SLC39A11: variants seen among roughly 807,000 people sequenced by gnomAD.
The protein encoded by SLC39A11 is solute carrier family 39 member 11.
In SLC39A11, 33 loss-of-function variants were observed where a neutral mutation model predicts 36.1. The observed-to-expected ratio is 0.91, with a 90% CI of 0.69 to 1.22. SLC39A11 has a LOEUF of 1.22. Among genes scored for constraint, SLC39A11 ranks in the 50% most tolerant of loss-of-function variants. The pLI is 0.00. For missense variants in SLC39A11, 432 were observed against 430.3 expected (o/e 1.00, Z -0.03); for synonymous variants, 166 against 170.3 (o/e 0.97, Z 0.20).
chr17:72,647,360 A>C lies in SLC39A11; in HGVS notation c.*224T>G. ...AGTCCATTCAGTGGCCAAAACAAAG[A>C]ATCTGTATTTCCATGACACCTTAAA... is the stretch of plus-strand genomic sequence containing the variant. On this transcript the variant is annotated 3_prime_UTR_variant, in exon 10 of 10. Transcript: ENST00000255559. 1 of 390,022 alleles carries C rather than the reference A, an allele frequency of 2.6e-6. No individual in the cohort carries two copies. Among genetic ancestry groups the C allele is most frequent in the Non-Finnish European group, 4.6e-6 (1 of 216,198 alleles). 24.2% of individuals were successfully genotyped at this position (390,022 alleles called of 1,614,324 possible).
intron 4 of SLC39A11, among the ~76,000 whole-genome samples, chr17:73,004,998 G>T (rs1280094818): frequency 6.6e-6 from 1 of 152,100 alleles, no homozygotes; most frequent in Non-Finnish European, 1.5e-5. Context: ...TTGTTTGTTT[G>T]TTTGTTTGTT....
rs1262505203 is a variant in SLC39A11, at chr17:72,900,144, G to GAA, written c.430+47606_430+47607dup. 7.4e-3 allele frequency among the ~76,000 whole-genome samples: 141 copies of GAA among 19,046 alleles called. 15 individuals are homozygous for GAA. In the African/African-American group the frequency reaches 0.1, roughly 14 times the overall value. The allele number at this position is 19,046 out of a possible 152,430, so 12.5% of individuals were successfully genotyped here. On this transcript the variant is annotated intron_variant, in intron 5 of 9. Transcript: ENST00000255559. ...AAGAAAAGAAAGAAAGAAAGAAAAA[G>GAA]AAAGAAAGAAAAGAAAGAAAGAAAG...
At chr17:72,812,974 A>C (rs528835917) in intron 6 of SLC39A11, among the ~76,000 whole-genome samples, 69 of 152,298 alleles carry the variant, frequency 4.5e-4, no homozygotes, top group African/African-American at 1.5e-3. Context: ...CTACAACCTG[A>C]CCTGGATTCT....
At chr17:72,911,564 C>A (rs2083000638) in intron 5 of SLC39A11, among the ~76,000 whole-genome samples, 1 of 152,096 alleles carries the variant, frequency 6.6e-6, no homozygotes. Context: ...CCTCGTTCTC[C>A]TTCCGCTCGC....
intron 5 of SLC39A11, among the ~76,000 whole-genome samples, chr17:72,927,823 T>TAC (rs1049083287): frequency 6.6e-6 from 1 of 150,588 alleles, no homozygotes; most frequent in South Asian, 2.1e-4. Context: ...CACACACACA[T>TAC]ACACACACAC....
intron 6 of SLC39A11, among the ~76,000 whole-genome samples, chr17:72,742,336 C>T (rs1161524568): frequency 3.3e-5 from 5 of 152,210 alleles, no homozygotes; most frequent in South Asian, 2.1e-4. Context: ...TTTTGCAGCC[C>T]GAGTCGTGGG....
intron 5 of SLC39A11, among the ~76,000 whole-genome samples, chr17:72,921,608 A>G (rs1357683363): frequency 2.6e-5 from 4 of 152,248 alleles, no homozygotes; most frequent in Non-Finnish European, 5.9e-5. Flanking sequence ...AGAATTTTGC[A>G]GGAATATGCA....
At chr17:72,831,517 A>G (rs1415611257) in intron 6 of SLC39A11, among the ~76,000 whole-genome samples, 1 of 152,230 alleles carries the variant, frequency 6.6e-6, no homozygotes, top group Non-Finnish European at 1.5e-5. Context: ...CACAACTTGG[A>G]GAAGTCATTC....
intron 4 of SLC39A11, among the ~76,000 whole-genome samples, chr17:73,008,706 G>C (rs34736651): frequency 0.07 from 10,592 of 152,236 alleles, 559 homozygotes; most frequent in African/African-American, 0.15. Context: ...TGGATGAATG[G>C]AACACAGTAT....
At chr17:72,665,511 C>G (rs1002817422) in intron 7 of SLC39A11, among the ~76,000 whole-genome samples, 13 of 149,892 alleles carry the variant, frequency 8.7e-5, no homozygotes, top group African/African-American at 3.2e-4. Flanking sequence ...CCATCTCAGC[C>G]TCTGAAGACC....
At chr17:72,754,665 G>A (rs900740157) in intron 6 of SLC39A11, among the ~76,000 whole-genome samples, 4 of 152,124 alleles carry the variant, frequency 2.6e-5, no homozygotes, top group Non-Finnish European at 4.4e-5. Context: ...CAGGGGTGCC[G>A]GGCCGCAGCC....
At chr17:72,815,304 C>G (rs1344150710) in intron 6 of SLC39A11, among the ~76,000 whole-genome samples, 1 of 152,212 alleles carries the variant, frequency 6.6e-6, no homozygotes, top group Non-Finnish European at 1.5e-5. Flanking sequence ...TTTCACCCTA[C>G]AGACTCGGAA....
intron 7 of SLC39A11, among the ~76,000 whole-genome samples, chr17:72,698,267 T>C (rs1192030680): frequency 1.3e-5 from 2 of 152,166 alleles, no homozygotes; most frequent in Non-Finnish European, 2.9e-5. Context: ...AATTATAAGA[T>C]GTTAGGTTTG....
chr17:73,056,756 T>C (rs2059682702), intron 3 of SLC39A11, among the ~76,000 whole-genome samples: 3 of 152,144 alleles, frequency 2.0e-5, no homozygotes, highest in Admixed American at 2.0e-4. Context: ...TCTATCCTCC[T>C]ATCTACTCCT....
chr17:72,982,688 A>C (rs1429710461), intron 4 of SLC39A11, among the ~76,000 whole-genome samples: 1 of 121,466 alleles, frequency 8.2e-6, no homozygotes, highest in Non-Finnish European at 1.9e-5. Flanking sequence ...ATTCGTTGCC[A>C]AGTCTTTTTT....
chr17:72,828,556 T>C (rs984768768), intron 6 of SLC39A11, among the ~76,000 whole-genome samples: 3 of 152,210 alleles, frequency 2.0e-5, no homozygotes, highest in Non-Finnish European at 2.9e-5. Context: ...CTTAGATCAA[T>C]AGACCCCAGA....
At chr17:72,844,810 TC>T (rs2078979851) in intron 6 of SLC39A11, among the ~76,000 whole-genome samples, 1 of 152,156 alleles carries the variant, frequency 6.6e-6, no homozygotes, top group South Asian at 2.1e-4. Flanking sequence ...CTAATGGCAA[TC>T]AAACCTCACA....
intron 3 of SLC39A11, chr17:73,072,482 A>T (rs2060192461): frequency 1.3e-5 from 2 of 152,250 alleles, no homozygotes; most frequent in African/African-American, 4.8e-5. Flanking sequence ...CCATCACGGC[A>T]CAGAGAAGGT....
chr17:72,731,894 T>A (rs1567999146), intron 7 of SLC39A11, among the ~76,000 whole-genome samples: 1 of 151,708 alleles, frequency 6.6e-6, no homozygotes, highest in Non-Finnish European at 1.5e-5. Flanking sequence ...CCTGGCTAGT[T>A]TTTTGTATTT....
Sources: gnomAD v4.1 joint callset for allele counts (sites outside exome capture counted in the v4.1 genomes callset) on GRCh38, gnomAD v4.1.1 for gene constraint, MANE v1.5 for transcripts, NCBI Gene and HGNC (gene_info 2026-07-23, HGNC 2026-07-21) for gene names.